TRMT11: variants seen among roughly 807,000 people sequenced by gnomAD.
TRMT11 encodes tRNA (guanine(10)-N(2))-methyltransferase TRMT11.
Under a neutral mutation model 62.8 loss-of-function variants are expected in TRMT11, and 53 were observed. The ratio of observed to expected loss-of-function variants is 0.84; its 90% CI spans 0.68 to 1.06. The LOEUF (loss-of-function observed/expected upper bound fraction) is 1.06. Ranked by LOEUF, TRMT11 falls within the 50% of genes least tolerant of loss-of-function variation. TRMT11 has a pLI of 0.00. For missense variants in TRMT11, 556 were observed against 553.4 expected, an observed-to-expected ratio of 1.00 and a Z score of -0.05; for synonymous variants, 188 against 190.3, an observed-to-expected ratio of 0.99 and a Z score of 0.10.
chr6:126,152,049 TTTC>T (rs1225914217), intron 21 of TRMT11, among the ~76,000 whole-genome samples: 3 of 147,682 alleles, frequency 2.0e-5, no homozygotes, highest in Non-Finnish European at 4.5e-5. Flanking sequence ...CTCTCTCTCT[TTTC>T]TTTCTTTTTT....
At chr6:126,022,773 T>G (rs562756263) in intron 12 of TRMT11, among the ~76,000 whole-genome samples, 11 of 152,372 alleles carry the variant, frequency 7.2e-5, no homozygotes, top group African/African-American at 2.6e-4. Context: ...AGTTGATTGG[T>G]ATCTACTATA....
chr6:126,093,378 G>A (rs139803109), intron 17 of TRMT11, among the ~76,000 whole-genome samples: 2,074 of 151,098 alleles, frequency 0.014, 23 homozygotes, highest in South Asian at 0.03. Flanking sequence ...CGGTTTCTAC[G>A]TATTTGAAAT....
chr6:126,130,585 T>C (rs1374488586), intron 21 of TRMT11, among the ~76,000 whole-genome samples: 2 of 152,058 alleles, frequency 1.3e-5, no homozygotes, highest in Admixed American at 1.3e-4. Context: ...TACTGTTTTT[T>C]TTTGTTAGTC....
chr6:126,093,631 A>ATATATTTTTTTTTTTTTTT (rs1554236842), intron 17 of TRMT11, among the ~76,000 whole-genome samples: 9 of 98,012 alleles, frequency 9.2e-5, no homozygotes, highest in African/African-American at 3.9e-4. Flanking sequence ...ATATATATAT[A>ATATATTTTTTTTTTTTTTT]TTTTCCCCCA....
At chr6:126,010,065 G>A (rs920215536) in intron 8 of TRMT11, among the ~76,000 whole-genome samples, 1 of 151,708 alleles carries the variant, frequency 6.6e-6, no homozygotes, top group Admixed American at 6.6e-5. Context: ...AGGTTCTCTA[G>A]CTACCACTTT....
chr6:126,019,159 C>A (rs1351588167), intron 11 of TRMT11, among the ~76,000 whole-genome samples: 3 of 152,158 alleles, frequency 2.0e-5, no homozygotes, highest in African/African-American at 7.2e-5. Context: ...GGATTACAGG[C>A]GTGAGCCACC....
chr6:126,161,061 GTTC>G (rs1399680626), intron 21 of TRMT11, among the ~76,000 whole-genome samples: 1 of 151,932 alleles, frequency 6.6e-6, no homozygotes, highest in Non-Finnish European at 1.5e-5. Context: ...TGGTATTATG[GTTC>G]TTTTTATTAT....
intron 1 of TRMT11, among the ~76,000 whole-genome samples, chr6:126,182,978 G>A (rs868420724): frequency 2.0e-5 from 3 of 152,122 alleles, no homozygotes; most frequent in Middle Eastern, 6.8e-3. Context: ...AACTTCACCT[G>A]CCCCCTACAG....
At chr6:126,255,678 C>A in the TRMT11 span, among the ~76,000 whole-genome samples, 1 of 152,064 alleles carries the variant, frequency 6.6e-6, no homozygotes, top group Non-Finnish European at 1.5e-5. Context: ...GATGCAATGA[C>A]CCTTGGGCTC....
the TRMT11 span, among the ~76,000 whole-genome samples, chr6:126,269,308 C>T: frequency 6.8e-6 from 1 of 147,774 alleles, no homozygotes; most frequent in Non-Finnish European, 1.5e-5. Context: ...GTTTAAATCA[C>T]CTATTAAAGA....
intron 17 of TRMT11, among the ~76,000 whole-genome samples, chr6:126,060,792 G>A (rs1302429761): frequency 6.6e-6 from 1 of 152,246 alleles, no homozygotes; most frequent in Non-Finnish European, 1.5e-5. Context: ...CTAGGGGTAA[G>A]TCACTATATT....
At chr6:126,191,839 T>C (rs1293363021) in intron 1 of TRMT11, among the ~76,000 whole-genome samples, 2 of 152,178 alleles carry the variant, frequency 1.3e-5, no homozygotes, top group Admixed American at 1.3e-4. Flanking sequence ...CTGTTTTGGT[T>C]ATTACAGCTT....
chr6:125,994,259 A>T (rs1791092587), intron 2 of TRMT11, among the ~76,000 whole-genome samples: 1 of 152,108 alleles, frequency 6.6e-6, no homozygotes, highest in Admixed American at 6.5e-5. Flanking sequence ...TAGAAAAAAT[A>T]ATTTGCAGTT....
At chr6:126,073,501 G>T (rs1212676433) in intron 17 of TRMT11, among the ~76,000 whole-genome samples, 1 of 151,942 alleles carries the variant, frequency 6.6e-6, no homozygotes. Flanking sequence ...AATTATGTGT[G>T]ACCCACTCTT....
At chr6:126,169,624 C>T (rs1472426142) in intron 21 of TRMT11, among the ~76,000 whole-genome samples, 3 of 152,158 alleles carry the variant, frequency 2.0e-5, no homozygotes, top group African/African-American at 7.2e-5. Flanking sequence ...GGTCACCTGG[C>T]TGGTGAAGAG....
At chr6:126,250,515 A>G in the TRMT11 span, among the ~76,000 whole-genome samples, 2 of 152,324 alleles carry the variant, frequency 1.3e-5, no homozygotes, top group South Asian at 2.1e-4. Flanking sequence ...ATGGTCATCT[A>G]AAGGTTTTCC....
chr6:126,090,213 C>T (rs1295907966), intron 17 of TRMT11, among the ~76,000 whole-genome samples: 1 of 152,224 alleles, frequency 6.6e-6, no homozygotes, highest in Non-Finnish European at 1.5e-5. Context: ...CTCATGGCAA[C>T]TCTTTCTCAT....
chr6:126,223,458 C>T, the TRMT11 span, among the ~76,000 whole-genome samples: 1 of 147,452 alleles, frequency 6.8e-6, no homozygotes, highest in African/African-American at 2.4e-5. Flanking sequence ...CAAAACAAAA[C>T]AAAACAAAAA....
intron 7 of TRMT11, among the ~76,000 whole-genome samples, chr6:126,004,708 T>A (rs532895024): frequency 1.7e-4 from 26 of 152,066 alleles, no homozygotes; most frequent in Non-Finnish European, 3.5e-4. Flanking sequence ...TCTAATCCCC[T>A]TTTTATTTTA....
Sources: gnomAD v4.1 joint callset for allele counts (sites outside exome capture counted in the v4.1 genomes callset) on GRCh38, gnomAD v4.1.1 for gene constraint, MANE v1.5 for transcripts, NCBI Gene and HGNC (gene_info 2026-07-23, HGNC 2026-07-21) for gene names.